The following CAND1 variants were observed in gnomAD, a reference collection of about 807,000 sequenced individuals.
CAND1 encodes the protein cullin-associated NEDD8-dissociated protein 1.
In CAND1, 7 loss-of-function variants were observed where a neutral mutation model predicts 108.5. That is an observed-to-expected ratio of 0.06 (90% CI 0.04 to 0.12). CAND1 has a LOEUF of 0.12. Among genes scored for constraint, CAND1 ranks in the 10% least tolerant of loss-of-function variants. CAND1 has a pLI of 1.00. For missense variants in CAND1, 941 were observed against 1,448.7 expected (o/e 0.65, Z 5.69); for synonymous variants, 534 against 512.0 (o/e 1.04, Z -0.58).
intron 1 of CAND1, chr12:67,270,872 C>G (rs1252597027): frequency 1.3e-5 from 2 of 151,356 alleles, no homozygotes; most frequent in African/African-American, 4.9e-5. Flanking sequence ...AAGGAAATAA[C>G]AAATAGTCTT....
intron 1 of CAND1, among the ~76,000 whole-genome samples, chr12:67,271,299 T>G (rs974525839): frequency 5.3e-5 from 8 of 152,228 alleles, no homozygotes; most frequent in East Asian, 1.9e-4. Flanking sequence ...GTTTGATTTT[T>G]GGGGCTTTGC....
At chr12:67,310,465 G>T in intron 13 of CAND1, 149 bp downstream of exon 13, 1 of 565,898 alleles carries the variant, frequency 1.8e-6, no homozygotes, top group South Asian at 2.4e-5. Flanking sequence ...AAGTGCAAAA[G>T]TAATAGGCAG....
chr12:67,270,779 A>G (rs1356401240), intron 1 of CAND1: 1 of 151,788 alleles, frequency 6.6e-6, no homozygotes, highest in African/African-American at 2.4e-5. Context: ...TAAAAAAAAA[A>G]AAAAAAAGAA....
intron 4 of CAND1, among the ~76,000 whole-genome samples, chr12:67,297,123 A>T (rs532987300): frequency 1.1e-4 from 17 of 151,962 alleles, no homozygotes; most frequent in Non-Finnish European, 2.1e-4. Context: ...TTGTTTTTTA[A>T]TATTTTCCCA....
At position 67,316,770 on chromosome 12, in the gene CAND1, T is replaced by G. The variant is rs562466947; in HGVS notation, c.*3940T>G. On this transcript the variant is annotated 3_prime_UTR_variant, in exon 15 of 15. Coordinates refer to ENST00000545606, the MANE Select transcript of CAND1 (RefSeq NM_018448.5). ...ACATTGTTTCCAGATTAGGAAGTAT[T>G]GGAATTAATTTGCTATTGCCAGTAA... 1 of 152,318 alleles carries G rather than the reference T, an allele frequency of 6.6e-6. No individual in the cohort carries two copies. Among genetic ancestry groups the G allele is most frequent in the East Asian group, 1.9e-4 (1 of 5,184 alleles). 9.4% of individuals were successfully genotyped at this position (152,318 alleles called of 1,614,324 possible).
intron 2 of CAND1, 100 bp downstream of exon 2, chr12:67,282,153 C>A: frequency 8.2e-7 from 1 of 1,222,334 alleles, no homozygotes; most frequent in Non-Finnish European, 1.2e-6. Context: ...CTTGTACTAT[C>A]TCTTTCTAGT....
chr12:67,304,045 A>G (rs1358993967), intron 8 of CAND1, among the ~76,000 whole-genome samples: 1 of 144,868 alleles, frequency 6.9e-6, no homozygotes, highest in African/African-American at 2.6e-5. Context: ...GCTGGAGCGC[A>G]GTGGTGCTAT....
intron 7 of CAND1, among the ~76,000 whole-genome samples, chr12:67,300,609 T>C (rs2044815560): frequency 6.6e-6 from 1 of 152,118 alleles, no homozygotes; most frequent in Non-Finnish European, 1.5e-5. Context: ...CTCAGAACTA[T>C]CTTTCATTTT....
chr12:67,280,498 A>T (rs553463987), intron 1 of CAND1, among the ~76,000 whole-genome samples: 5 of 152,352 alleles, frequency 3.3e-5, no homozygotes, highest in African/African-American at 1.2e-4. Flanking sequence ...TGTACAAAAT[A>T]ACGTATTTTT....
intron 2 of CAND1, among the ~76,000 whole-genome samples, chr12:67,290,008 C>T (rs1389374929): frequency 6.6e-6 from 1 of 151,900 alleles, no homozygotes; most frequent in Non-Finnish European, 1.5e-5. Flanking sequence ...AGTTTTATCA[C>T]ATTTCAAGTC....
chr12:67,276,373 G>T (rs375318715), intron 1 of CAND1, among the ~76,000 whole-genome samples: 1 of 152,180 alleles, frequency 6.6e-6, no homozygotes, highest in South Asian at 2.1e-4. Flanking sequence ...TCTTATATGG[G>T]CATCCTGACA....
intron 4 of CAND1, among the ~76,000 whole-genome samples, chr12:67,296,080 A>G (rs1308082769): frequency 6.6e-6 from 1 of 152,188 alleles, no homozygotes; most frequent in Non-Finnish European, 1.5e-5. Flanking sequence ...TAGAATAGAG[A>G]ATGAATAGAA....
chr12:67,305,357 T>G lies in CAND1; in HGVS notation c.1689T>G (p.Pro563=), dbSNP rs763883682. The part of the protein sequence containing the change: ...LDQPSSFDAT[P]YIKDLFTCTI... ...AGCCTTCCTCGTTTGATGCAACTCCTTATATCAAAGATCTATTTACCTGTA... is the reference window on the plus strand; with the variant it reads ...AGCCTTCCTCGTTTGATGCAACTCCGTATATCAAAGATCTATTTACCTGTA... The change falls in exon 10 of 15, where the codon CCT becomes CCG. Residue 563 remains proline (P), a synonymous_variant. Coordinates refer to ENST00000545606, the MANE Select transcript of CAND1 (RefSeq NM_018448.5). The surrounding 1 kb of genome is among the most constrained non-coding windows in gnomAD (Gnocchi z 4.4). The G allele has an allele frequency of 3.1e-6, 5 of 1,614,038 alleles. No individual in the cohort carries two copies. The highest frequency in any genetic ancestry group is 4.2e-6 in the Non-Finnish European group (5 of 1,180,026).
chr12:67,285,714 CTAT>C (rs2044664093), intron 2 of CAND1, among the ~76,000 whole-genome samples: 1 of 152,096 alleles, frequency 6.6e-6, no homozygotes, highest in East Asian at 1.9e-4. Context: ...ATCAAGGTCA[CTAT>C]TATTCACGTT....
In CAND1 at chr12:67,314,586, C is replaced by T. The variant is rs1163796602; in HGVS notation, c.*1756C>T. 1 of 152,186 alleles carries T rather than the reference C, an allele frequency of 6.6e-6. No homozygotes were observed. Among genetic ancestry groups the T allele is most frequent in the East Asian group, 1.9e-4 (1 of 5,198 alleles). 9.4% of individuals were successfully genotyped at this position (152,186 alleles called of 1,614,324 possible). On this transcript the variant is annotated 3_prime_UTR_variant, in exon 15 of 15. Coordinates refer to ENST00000545606, the MANE Select transcript of CAND1 (RefSeq NM_018448.5). Reference sequence around the variant, plus strand: ...TTAAGTATTTGGTTACATGGTTTTACAATAAATTACAATACTGCAGGCTCT... The same window carrying T: ...TTAAGTATTTGGTTACATGGTTTTATAATAAATTACAATACTGCAGGCTCT...
At chr12:67,279,375 A>G (rs1333502255) in intron 1 of CAND1, among the ~76,000 whole-genome samples, 1 of 152,162 alleles carries the variant, frequency 6.6e-6, no homozygotes, top group Non-Finnish European at 1.5e-5. Flanking sequence ...AGACATGGAC[A>G]TGCCATGGAC....
At chr12:67,293,921 A>AT (rs1460050229) in intron 3 of CAND1, among the ~76,000 whole-genome samples, 1 of 152,172 alleles carries the variant, frequency 6.6e-6, no homozygotes, top group Non-Finnish European at 1.5e-5. Flanking sequence ...TAGTTTGTAG[A>AT]TGGGAGAACT....
At chr12:67,274,297 A>G (rs548841543) in intron 1 of CAND1, among the ~76,000 whole-genome samples, 9 of 152,370 alleles carry the variant, frequency 5.9e-5, no homozygotes, top group African/African-American at 1.7e-4. Flanking sequence ...CCAGGGCAAT[A>G]TGTAATTGTC....
chr12:67,282,310 C>T (rs1003673206), intron 2 of CAND1: 5 of 301,666 alleles, frequency 1.7e-5, no homozygotes, highest in Non-Finnish European at 2.4e-5. Context: ...AACAATGGTT[C>T]TCTCATTTGT....
Sources: gnomAD v4.1 joint callset for allele counts (sites outside exome capture counted in the v4.1 genomes callset) on GRCh38, gnomAD v4.1.1 for gene constraint, Gnocchi (gnomAD v3.1) non-coding constraint, MANE v1.5 for transcripts, NCBI Gene and HGNC (gene_info 2026-07-23, HGNC 2026-07-21) for gene names.